KCNIP4: variants seen among roughly 807,000 people sequenced by gnomAD.
The protein encoded by KCNIP4 is potassium voltage-gated channel interacting protein 4.
KCNIP4 carries 12 observed loss-of-function variants against 34.0 expected under a neutral mutation model. The observed-to-expected ratio is 0.35, with a 90% CI of 0.23 to 0.57. The LOEUF is 0.57. KCNIP4 is among the 20% of genes least tolerant of loss of function. The pLI is 0.83. For synonymous variants in KCNIP4, 124 were observed against 102.2 expected, an observed-to-expected ratio of 1.21 and a Z score of -1.29; for missense variants, 238 against 311.7, an observed-to-expected ratio of 0.76 and a Z score of 1.78.
intron 1 of KCNIP4, among the ~76,000 whole-genome samples, chr4:21,039,481 C>G (rs1264524497): frequency 6.6e-6 from 1 of 152,024 alleles, no homozygotes; most frequent in African/African-American, 2.4e-5. Flanking sequence ...TGCAAGAAAC[C>G]CTTATTCTAC....
At chr4:21,646,651 G>C (rs968659097) in intron 1 of KCNIP4, among the ~76,000 whole-genome samples, 3 of 152,050 alleles carry the variant, frequency 2.0e-5, no homozygotes, top group African/African-American at 7.2e-5. Flanking sequence ...AAATGCAAGC[G>C]CATGGGACAT....
chr4:21,430,648 T>A (rs531086254), intron 1 of KCNIP4, among the ~76,000 whole-genome samples: 1 of 152,274 alleles, frequency 6.6e-6, no homozygotes, highest in African/African-American at 2.4e-5. Flanking sequence ...TCTTCCTTTT[T>A]AATCTTTAAT....
At chr4:21,815,703 C>T (rs1721948696) in intron 1 of KCNIP4, among the ~76,000 whole-genome samples, 1 of 152,114 alleles carries the variant, frequency 6.6e-6, no homozygotes, top group Non-Finnish European at 1.5e-5. Context: ...AAGCTAATTT[C>T]CATTCTCATA....
intron 8 of KCNIP4, 176 bp downstream of exon 8, chr4:20,731,830 T>C (rs1748317167): frequency 1.0e-6 from 1 of 985,298 alleles, no homozygotes; most frequent in Non-Finnish European, 1.2e-6. Context: ...CTCTAAATGT[T>C]GATTATGTAA....
At chr4:20,828,435 A>G (rs1014999056) in intron 3 of KCNIP4, among the ~76,000 whole-genome samples, 1 of 152,194 alleles carries the variant, frequency 6.6e-6, no homozygotes, top group Admixed American at 6.5e-5. Flanking sequence ...AAAACAAAGA[A>G]ACAAACAAAA....
intron 1 of KCNIP4, among the ~76,000 whole-genome samples, chr4:21,342,027 G>A (rs1329391701): frequency 6.6e-6 from 1 of 151,918 alleles, no homozygotes; most frequent in Non-Finnish European, 1.5e-5. Flanking sequence ...TTTCTTTTCT[G>A]CCCCATACCA....
chr4:21,013,765 C>T (rs1310728002), intron 1 of KCNIP4, among the ~76,000 whole-genome samples: 1 of 152,110 alleles, frequency 6.6e-6, no homozygotes, highest in Non-Finnish European at 1.5e-5. Flanking sequence ...AACTTAAATA[C>T]AGGATGTGAC....
At chr4:21,206,492 G>A (rs924425327) in intron 1 of KCNIP4, among the ~76,000 whole-genome samples, 2 of 152,082 alleles carry the variant, frequency 1.3e-5, no homozygotes, top group Non-Finnish European at 2.9e-5. Flanking sequence ...TTATAAAGAG[G>A]TTTTCTGGAT....
At chr4:21,282,644 A>C (rs555977416) in intron 1 of KCNIP4, among the ~76,000 whole-genome samples, 15 of 152,344 alleles carry the variant, frequency 9.8e-5, no homozygotes, top group African/African-American at 3.6e-4. Context: ...ATATGTGTAG[A>C]GCATGAAATA....
chr4:20,842,976 T>G (rs2149473954), intron 3 of KCNIP4, among the ~76,000 whole-genome samples: 1 of 152,016 alleles, frequency 6.6e-6, no homozygotes, highest in Non-Finnish European at 1.5e-5. Context: ...GGCACAATCT[T>G]GGCTCACTGC....
intron 1 of KCNIP4, among the ~76,000 whole-genome samples, chr4:20,904,530 A>G (rs1242713826): frequency 1.3e-5 from 2 of 152,034 alleles, no homozygotes; most frequent in Admixed American, 1.3e-4. Context: ...GGGTGCTTAA[A>G]TATACAGAAA....
chr4:21,884,844 C>T (rs1208377659), intron 1 of KCNIP4, among the ~76,000 whole-genome samples: 1 of 152,060 alleles, frequency 6.6e-6, no homozygotes, highest in Non-Finnish European at 1.5e-5. Context: ...TCACTGCCTT[C>T]CCTCTTCCTG....
rs541309961 is a variant in KCNIP4, at chr4:21,046,799, T to C, written c.62-164090A>G. Among the ~76,000 whole-genome samples the C allele has an allele frequency of 7.3e-4, 111 of 152,250 alleles. 1 individual carries two copies. The East Asian group carries it at 0.019, about 27-fold the overall frequency. On this transcript the variant is annotated intron_variant, in intron 1 of 8. Coordinates refer to ENST00000382152, the MANE Select transcript of KCNIP4 (RefSeq NM_025221.6). ...AGAGATGGGGTTTCTCCATGCTGGTTGGGCTGGTCTCGAACTTCCGACTTC... is the reference window on the plus strand; with the variant it reads ...AGAGATGGGGTTTCTCCATGCTGGTCGGGCTGGTCTCGAACTTCCGACTTC...
chr4:21,900,156 A>C (rs1263359346), intron 1 of KCNIP4, among the ~76,000 whole-genome samples: 1 of 152,224 alleles, frequency 6.6e-6, no homozygotes, highest in African/African-American at 2.4e-5. Context: ...ATATATTTCA[A>C]ATGTGAAAAC....
intron 1 of KCNIP4, among the ~76,000 whole-genome samples, chr4:21,908,376 G>T (rs540203109): frequency 6.6e-6 from 1 of 152,190 alleles, no homozygotes; most frequent in Admixed American, 6.5e-5. Flanking sequence ...AGTGTCACCT[G>T]TTTAAGGAAT....
chr4:21,847,922 C>G (rs763352980), intron 1 of KCNIP4: 1 of 151,976 alleles, frequency 6.6e-6, no homozygotes, highest in African/African-American at 2.4e-5. Context: ...CAAAAGCCCG[C>G]CTTTCCTTTT....
At chr4:21,877,117 G>A (rs774513193) in intron 1 of KCNIP4, among the ~76,000 whole-genome samples, 21 of 152,166 alleles carry the variant, frequency 1.4e-4, no homozygotes, top group Non-Finnish European at 2.5e-4. Context: ...ACTTTGGGAG[G>A]CCGAGGCGAT....
chr4:20,965,889 T>C (rs1734295088), intron 1 of KCNIP4, among the ~76,000 whole-genome samples: 1 of 152,200 alleles, frequency 6.6e-6, no homozygotes, highest in Non-Finnish European at 1.5e-5. Flanking sequence ...TTTAAACTTT[T>C]AGTCTAAAAT....
At chr4:21,310,350 A>AC (rs1250745806) in intron 1 of KCNIP4, among the ~76,000 whole-genome samples, 1 of 151,704 alleles carries the variant, frequency 6.6e-6, no homozygotes, top group African/African-American at 2.4e-5. Context: ...CAGAGAATTT[A>AC]CCCAGAGCCT....
Sources: gnomAD v4.1 joint callset for allele counts (sites outside exome capture counted in the v4.1 genomes callset) on GRCh38, gnomAD v4.1.1 for gene constraint, MANE v1.5 for transcripts, NCBI Gene and HGNC (gene_info 2026-07-23, HGNC 2026-07-21) for gene names.